The following FOCAD variants were observed in gnomAD, a reference collection of about 807,000 sequenced individuals.
The protein encoded by FOCAD is focadhesin.
A neutral mutation model predicts 225.6 loss-of-function variants in FOCAD; 198 were observed. The observed-to-expected ratio is 0.88, with a 90% CI of 0.78 to 0.99. The LOEUF (loss-of-function observed/expected upper bound fraction) is 0.99, where lower values mean the gene tolerates loss of function less well. FOCAD is among the 50% of genes least tolerant of loss of function. FOCAD has a pLI of 0.00. For synonymous variants in FOCAD, 897 were observed against 755.0 expected, an observed-to-expected ratio of 1.19 and a Z score of -3.08; for missense variants, 2,713 against 2,123.6, an observed-to-expected ratio of 1.28 and a Z score of -5.46.
At chr9:20,816,826 A>G (rs922850611) in intron 11 of FOCAD, among the ~76,000 whole-genome samples, 1 of 152,196 alleles carries the variant, frequency 6.6e-6, no homozygotes, top group African/African-American at 2.4e-5. Context: ...TAAAGATAAT[A>G]TGAATAAACA....
chr9:20,880,198 A>AAAGTTTAAT (rs1830553252), intron 19 of FOCAD, among the ~76,000 whole-genome samples: 2 of 152,190 alleles, frequency 1.3e-5, no homozygotes, highest in Admixed American at 6.5e-5. Context: ...AGAGTTTAAT[A>AAAGTTTAAT]AAGAACCTAT....
At position 20,752,645 on chromosome 9, in the gene FOCAD, C is replaced by G. The variant is rs188976413; in HGVS notation, c.393-5445C>G. Among the ~76,000 whole-genome samples the G allele has an allele frequency of 4.7e-3, 712 of 152,116 alleles. 6 individuals carry two copies. The highest frequency in any genetic ancestry group is 0.016 in the African/African-American group (654 of 41,526). ...TAGGATTGACTCGGCGATGCGGGCT[C>G]TATTTTGGTTCCATATGAACTTTAA... On this transcript the variant is annotated intron_variant, in intron 5 of 43. Coordinates refer to ENST00000338382, the MANE Select transcript of FOCAD (RefSeq NM_001375567.1).
chr9:20,783,108 A>G (rs1819557429), intron 10 of FOCAD, among the ~76,000 whole-genome samples: 1 of 152,182 alleles, frequency 6.6e-6, no homozygotes, highest in African/African-American at 2.4e-5. Flanking sequence ...TGGCAGGGCA[A>G]GAGTTCTGCT....
At chr9:20,696,846 G>A (rs556031899) in intron 1 of FOCAD, among the ~76,000 whole-genome samples, 24 of 152,046 alleles carry the variant, frequency 1.6e-4, no homozygotes, top group Middle Eastern at 6.8e-3. Flanking sequence ...CATCGTAACC[G>A]TATTAAGAGG....
chr9:20,799,152 C>T (rs1161883532), intron 11 of FOCAD, among the ~76,000 whole-genome samples: 6 of 152,088 alleles, frequency 3.9e-5, no homozygotes, highest in Admixed American at 3.3e-4. Context: ...TGTAGTTGAG[C>T]GGTTTTGAGT....
intron 11 of FOCAD, among the ~76,000 whole-genome samples, chr9:20,808,509 C>G (rs1411666304): frequency 6.6e-6 from 1 of 152,092 alleles, no homozygotes; most frequent in African/African-American, 2.4e-5. Flanking sequence ...AAGGGGCAGA[C>G]AATTACCTTA....
At chr9:20,720,138 G>C (rs1825659505) in intron 3 of FOCAD, among the ~76,000 whole-genome samples, 1 of 152,190 alleles carries the variant, frequency 6.6e-6, no homozygotes, top group South Asian at 2.1e-4. Context: ...TCTGCCTGCA[G>C]CCAGCCTTGT....
intron 35 of FOCAD, among the ~76,000 whole-genome samples, chr9:20,965,862 A>G (rs564654962): frequency 6.6e-6 from 1 of 152,276 alleles, no homozygotes. Flanking sequence ...AAGTATCAGT[A>G]CTTCATTCAT....
rs151288271 is a variant in FOCAD, at chr9:20,951,175, A to G, written c.4051+77A>G. The G allele has an allele frequency of 3.8e-4, 403 of 1,067,762 alleles. 1 individual carries two copies. In the African/African-American group the frequency reaches 5.3e-3, roughly 14 times the overall value. The allele number at this position is 1,067,762 out of a possible 1,614,324, so 66.1% of individuals were successfully genotyped here. A position where few individuals can be genotyped will look rare whatever the true frequency, so the allele number is the denominator to read the frequency against. ...CAGCGCTCTGTAGTTTGTTAAGAGCATTAATCTTCACAACAACCCTAAGTA... is the reference window on the plus strand; with the variant it reads ...CAGCGCTCTGTAGTTTGTTAAGAGCGTTAATCTTCACAACAACCCTAAGTA... On this transcript the variant is annotated intron_variant, in intron 34 of 43. Transcript: ENST00000338382.
At chr9:20,693,802 C>T (rs1250266614) in intron 1 of FOCAD, among the ~76,000 whole-genome samples, 1 of 152,200 alleles carries the variant, frequency 6.6e-6, no homozygotes, top group African/African-American at 2.4e-5. Context: ...CCTCTGCCTC[C>T]TGGGTTCAAG....
chr9:20,762,946 G>C (rs954691942), intron 6 of FOCAD, among the ~76,000 whole-genome samples: 1 of 152,106 alleles, frequency 6.6e-6, no homozygotes, highest in African/African-American at 2.4e-5. Flanking sequence ...CGTTTCTTCC[G>C]TGAAGCAATT....
In FOCAD at chr9:20,788,853, C is replaced by T. The variant is rs538758142; in HGVS notation, c.1198-498C>T. Reference sequence around the variant, plus strand: ...CAGAAGTTACAATTATTAATGAATTCCCAGGCTCCAGCTGAACCAACTTTG... The same window carrying T: ...CAGAAGTTACAATTATTAATGAATTTCCAGGCTCCAGCTGAACCAACTTTG... On this transcript the variant is annotated intron_variant, in intron 10 of 43. Coordinates refer to ENST00000338382, the MANE Select transcript of FOCAD (RefSeq NM_001375567.1). Among the ~76,000 whole-genome samples, 11 of 152,312 alleles carry T rather than the reference C, an allele frequency of 7.2e-5. No homozygotes were observed. The East Asian group carries it at 9.6e-4, about 13-fold the overall frequency.
chr9:20,917,306 G>T (rs1306992504), intron 24 of FOCAD, among the ~76,000 whole-genome samples: 1 of 151,880 alleles, frequency 6.6e-6, no homozygotes, highest in Non-Finnish European at 1.5e-5. Context: ...TATGTTGGTA[G>T]TACTTCCTTT....
chr9:20,744,840 A>G (rs939416347), intron 5 of FOCAD, among the ~76,000 whole-genome samples: 8 of 152,192 alleles, frequency 5.3e-5, no homozygotes, highest in Admixed American at 2.0e-4. Context: ...AACCAATTCA[A>G]ACTTTTCAAA....
At chr9:20,738,580 T>A (rs1827339752) in intron 4 of FOCAD, among the ~76,000 whole-genome samples, 1 of 152,216 alleles carries the variant, frequency 6.6e-6, no homozygotes, top group Non-Finnish European at 1.5e-5. Context: ...CATGAAAGAT[T>A]CATCCATGAG....
chr9:20,664,471 G>A lies in FOCAD; in HGVS notation c.-78+5645G>A, dbSNP rs1821834187. Among the ~76,000 whole-genome samples, 4 of 151,670 alleles carry A rather than the reference G, an allele frequency of 2.6e-5. No individual in the cohort carries two copies. In the South Asian group the frequency reaches 8.4e-4, roughly 32 times the overall value. The stretch of plus-strand genomic sequence containing the variant: ...AGCATTTTAAGGGCTCCAAAAACAA[G>A]TAGGGCTTCATCAGTCTTTCTGAAG... On this transcript the variant is annotated intron_variant, in intron 2 of 45. Transcript: ENST00000380249.
chr9:20,844,159 T>C (rs1047399899), intron 15 of FOCAD, among the ~76,000 whole-genome samples: 15 of 152,060 alleles, frequency 9.9e-5, no homozygotes, highest in Non-Finnish European at 1.9e-4. Flanking sequence ...CATAGCATTA[T>C]TCATAATGGC....
intron 15 of FOCAD, among the ~76,000 whole-genome samples, chr9:20,853,617 T>C (rs1827886007): frequency 6.6e-6 from 1 of 151,772 alleles, no homozygotes; most frequent in Admixed American, 6.6e-5. Context: ...TGTTCATCTA[T>C]ATTCTTTGCC....
In FOCAD at chr9:20,765,005, A is replaced by G; in HGVS notation, c.631A>G (p.Lys211Glu). 1 of 1,614,110 alleles carries G rather than the reference A, an allele frequency of 6.2e-7. No individual in the cohort carries two copies. Residue 211 changes from lysine to glutamate, a missense_variant, in exon 7 of 44, where the codon AAA (lysine) becomes GAA (glutamate). By Grantham distance (56) the Lys-to-Glu change is moderately conservative (BLOSUM62 1). Coordinates refer to ENST00000338382, the MANE Select transcript of FOCAD (RefSeq NM_001375567.1). ...VLLQPQVLCD[K>E]DQPSILEQQI... ...ACTTCAACCCCAGGTTCTTTGTGAC[A>G]AAGATCAACCATCAATACTGGAACA...
Sources: gnomAD v4.1 joint callset for allele counts (sites outside exome capture counted in the v4.1 genomes callset) on GRCh38, gnomAD v4.1.1 for gene constraint, MANE v1.5 for transcripts, NCBI Gene and HGNC (gene_info 2026-07-23, HGNC 2026-07-21) for gene names.